NELL2: variants seen among roughly 807,000 people sequenced by gnomAD.
The protein encoded by NELL2 is neural EGFL like 2.
NELL2 carries 41 observed loss-of-function variants against 109.6 expected under a neutral mutation model. The observed-to-expected ratio is 0.37, with a 90% CI of 0.29 to 0.49. The LOEUF is 0.49. Ranked by LOEUF, NELL2 falls within the 20% of genes least tolerant of loss-of-function variation. The pLI, the probability that NELL2 is intolerant of heterozygous loss-of-function variation, is 0.98. For synonymous variants in NELL2, 355 were observed against 344.7 expected (o/e 1.03, Z -0.33); for missense variants, 900 against 1,008.3 (o/e 0.89, Z 1.45).
At chr12:44,753,231 T>C (rs1940734034) in intron 9 of NELL2, among the ~76,000 whole-genome samples, 2 of 152,168 alleles carry the variant, frequency 1.3e-5, no homozygotes, top group Non-Finnish European at 2.9e-5. Context: ...TCATGGTACT[T>C]TCAATTTCAC....
Position 44,711,316 on chromosome 12 carries a change from G to A in NELL2, c.1165C>T (p.His389Tyr). 6.2e-7 allele frequency: 1 copy of A among 1,612,446 alleles called. No homozygotes were observed. Among genetic ancestry groups the A allele is most frequent in the African/African-American group, 1.3e-5 (1 of 74,942 alleles). Residue 389 changes from histidine (H) to tyrosine (Y), a missense_variant, in exon 11 of 20, where the codon CAC becomes TAC. By Grantham distance (83) the His-to-Tyr change is moderately conservative. This residue lies in a region of NELL2 where 292 missense variants were observed against 265.3 expected (regional missense o/e 1.10). Transcript: ENST00000429094. ...CCTTTACAAACTTTGCAACAGCTGT[G>A]AGACAAGGTTATCTGATGAGACTCT... ...CPESHQITLS[H>Y]SCCKVCKGYD...
At chr12:44,704,526 A>G (rs1249809486) in intron 11 of NELL2, among the ~76,000 whole-genome samples, 1 of 152,206 alleles carries the variant, frequency 6.6e-6, no homozygotes, top group Non-Finnish European at 1.5e-5. Flanking sequence ...ATCATGTGCA[A>G]TTTCTCAAGA....
rs79888875 is a variant in NELL2 at position 44,663,122 on chromosome 12, A to G, written c.1444+2362T>C. ...CAAGGCAAAGTCCCATTAGGGGAGT[A>G]ATTTCTTTAAGACTTGTGTACAGAC... On this transcript the variant is annotated intron_variant, in intron 13 of 19. Transcript: ENST00000429094. 4.6e-5 allele frequency among the ~76,000 whole-genome samples: 7 copies of G among 152,338 alleles called. No individual in the cohort carries two copies. The East Asian group carries it at 1.3e-3, about 29-fold the overall frequency.
chr12:44,648,710 C>CATAT (rs1187414211), intron 13 of NELL2, among the ~76,000 whole-genome samples: 107 of 117,946 alleles, frequency 9.1e-4, no homozygotes, highest in Middle Eastern at 4.4e-3. Context: ...ACAATGCCAT[C>CATAT]ATATATATAT....
intron 13 of NELL2, among the ~76,000 whole-genome samples, chr12:44,632,132 A>C (rs1946478601): frequency 6.6e-6 from 1 of 152,090 alleles, no homozygotes; most frequent in Non-Finnish European, 1.5e-5. Context: ...ATCCATTCTG[A>C]TAAAAGTTCT....
At chr12:44,902,752 A>G (rs973666342) in intron 1 of NELL2, among the ~76,000 whole-genome samples, 5 of 152,180 alleles carry the variant, frequency 3.3e-5, no homozygotes, top group Admixed American at 3.3e-4. Flanking sequence ...AACACCACAC[A>G]TCTACAACCA....
chr12:44,804,592 A>T (rs1450544), intron 3 of NELL2, among the ~76,000 whole-genome samples: 30,690 of 151,818 alleles, frequency 0.2, 3,366 homozygotes, highest in South Asian at 0.3. Flanking sequence ...GAAAAAAATT[A>T]TATTTTTAAA....
At chr12:44,913,721 T>A (rs1945803619) in intron 1 of NELL2, 1 of 544,346 alleles carries the variant, frequency 1.8e-6, no homozygotes, top group South Asian at 2.1e-5. Flanking sequence ...AAAATTCAGG[T>A]CACTATACCC....
chr12:44,829,425 A>G (rs1943816910), intron 2 of NELL2, among the ~76,000 whole-genome samples: 1 of 152,158 alleles, frequency 6.6e-6, no homozygotes, highest in Non-Finnish European at 1.5e-5. Context: ...TTGAACCCAA[A>G]CTGAATGCCT....
At chr12:44,866,494 A>C (rs2136821963) in intron 2 of NELL2, among the ~76,000 whole-genome samples, 1 of 152,294 alleles carries the variant, frequency 6.6e-6, no homozygotes, top group African/African-American at 2.4e-5. Flanking sequence ...TTCAGAGGTA[A>C]GTTTATAGCA....
chr12:44,757,124 T>C (rs928881878), intron 9 of NELL2, among the ~76,000 whole-genome samples: 2 of 152,208 alleles, frequency 1.3e-5, no homozygotes, highest in African/African-American at 4.8e-5. Flanking sequence ...AATTCATCCA[T>C]GATATGCCTC....
Position 44,665,561 on chromosome 12 carries a change from A to G in NELL2, c.1367T>C (p.Met456Thr). The G allele has an allele frequency of 6.2e-7, 1 of 1,613,632 alleles. No individual in the cohort carries two copies. Among genetic ancestry groups the G allele is most frequent in the African/African-American group, 1.3e-5 (1 of 75,056 alleles). ...EGRHYCRENTMCVNTPGSFMC... is the reference protein window; with the variant it reads ...EGRHYCRENTTCVNTPGSFMC... ...AAAAGAACCCGGGGTGTTGACACAC[A>G]TTGTATTTTCACGACAGTAATGGCG... is the stretch of plus-strand genomic sequence containing the variant. The change falls in exon 13 of 20, where the codon ATG becomes ACG. Residue 456 changes from methionine to threonine, a missense_variant. Coordinates refer to ENST00000429094, the MANE Select transcript of NELL2 (RefSeq NM_001145108.2).
intron 2 of NELL2, among the ~76,000 whole-genome samples, chr12:44,846,231 T>C (rs185085358): frequency 1.3e-5 from 2 of 152,052 alleles, no homozygotes; most frequent in Admixed American, 6.6e-5. Context: ...ATTTAGAGAT[T>C]ATTGACGCCC....
At chr12:44,716,799 A>C (rs1938512662) in intron 9 of NELL2, among the ~76,000 whole-genome samples, 1 of 152,148 alleles carries the variant, frequency 6.6e-6, no homozygotes, top group African/African-American at 2.4e-5. Flanking sequence ...GGTGCTCTAA[A>C]TCTTACACAG....
intron 13 of NELL2, among the ~76,000 whole-genome samples, chr12:44,624,363 A>G (rs2136275970): frequency 6.6e-6 from 1 of 152,078 alleles, no homozygotes; most frequent in East Asian, 1.9e-4. Context: ...CTTCTCCCCA[A>G]CTGCAAGTGT....
chr12:44,722,794 G>T (rs1938850985), intron 9 of NELL2, among the ~76,000 whole-genome samples: 1 of 152,066 alleles, frequency 6.6e-6, no homozygotes, highest in Non-Finnish European at 1.5e-5. Flanking sequence ...ATATTACCTG[G>T]AAGTGATTTA....
chr12:44,799,948 C>T (rs1942774152), intron 3 of NELL2, among the ~76,000 whole-genome samples: 1 of 152,020 alleles, frequency 6.6e-6, no homozygotes, highest in African/African-American at 2.4e-5. Flanking sequence ...AACCATCTGT[C>T]TTAGATATTA....
intron 9 of NELL2, among the ~76,000 whole-genome samples, chr12:44,753,095 T>C (rs961395041): frequency 2.0e-5 from 3 of 152,160 alleles, no homozygotes; most frequent in Non-Finnish European, 4.4e-5. Flanking sequence ...TTGAACTTAC[T>C]GTCCTCCAAA....
rs1028190614 is a variant in NELL2, at chr12:44,706,038, A to G, written c.1190-2184T>C. On this transcript the variant is annotated intron_variant, in intron 11 of 19. Coordinates refer to ENST00000429094, the MANE Select transcript of NELL2 (RefSeq NM_001145108.2). ...TGTTTCAGTAATGGTGAGACCTCTC[A>G]TCTCAGCATTAAACATCTTGCACAC... is the stretch of plus-strand genomic sequence containing the variant. Among the ~76,000 whole-genome samples the G allele has an allele frequency of 1.1e-4, 16 of 152,282 alleles. No individual in the cohort carries two copies. In the East Asian group the frequency reaches 2.7e-3, roughly 26 times the overall value.
Sources: gnomAD v4.1 joint callset for allele counts (sites outside exome capture counted in the v4.1 genomes callset) on GRCh38, gnomAD v4.1.1 for gene constraint, gnomAD v4.1.1 regional missense constraint, MANE v1.5 for transcripts, NCBI Gene and HGNC (gene_info 2026-07-23, HGNC 2026-07-21) for gene names.